MTUS2: variants seen among roughly 807,000 people sequenced by gnomAD.
The protein encoded by MTUS2 is microtubule associated scaffold protein 2.
MTUS2 carries 40 observed loss-of-function variants against 114.1 expected under a neutral mutation model. That is an observed-to-expected ratio of 0.35 (90% CI 0.27 to 0.46). The LOEUF is 0.46. MTUS2 is among the 20% of genes least tolerant of loss of function. The pLI is 1.00. For synonymous variants in MTUS2, 688 were observed against 672.0 expected (o/e 1.02, Z -0.37); for missense variants, 1,679 against 1,705.4 (o/e 0.98, Z 0.27).
intron 14 of MTUS2, among the ~76,000 whole-genome samples, chr13:29,499,421 T>G (rs566382094): frequency 6.6e-6 from 1 of 152,234 alleles, no homozygotes; most frequent in Non-Finnish European, 1.5e-5. Flanking sequence ...AGATTCTTAT[T>G]TTTTCCCTTT....
At chr13:29,402,085 A>T (rs997684836) in intron 8 of MTUS2, among the ~76,000 whole-genome samples, 1 of 152,082 alleles carries the variant, frequency 6.6e-6, no homozygotes, top group African/African-American at 2.4e-5. Flanking sequence ...TACTTTTTTC[A>T]TATTAGTTCT....
intron 12 of MTUS2, among the ~76,000 whole-genome samples, chr13:29,493,145 G>A (rs929613485): frequency 3.3e-5 from 5 of 152,172 alleles, no homozygotes; most frequent in African/African-American, 9.7e-5. Context: ...ACTTATAAAA[G>A]GGGCTGCAGT....
chr13:28,989,163 T>C (rs1193720620), intron 2 of MTUS2, among the ~76,000 whole-genome samples: 1 of 152,092 alleles, frequency 6.6e-6, no homozygotes, highest in Non-Finnish European at 1.5e-5. Flanking sequence ...TTTATAAAAT[T>C]TGTGAAGCTA....
chr13:28,856,760 A>T (rs1000362645), intron 2 of MTUS2, among the ~76,000 whole-genome samples: 1 of 152,150 alleles, frequency 6.6e-6, no homozygotes, highest in Admixed American at 6.5e-5. Context: ...ACTACTTTTC[A>T]TTGGCTGTAG....
intron 2 of MTUS2, among the ~76,000 whole-genome samples, chr13:28,897,748 T>G (rs1593280795): frequency 6.6e-6 from 1 of 152,114 alleles, no homozygotes; most frequent in Non-Finnish European, 1.5e-5. Flanking sequence ...TCATGTCCTT[T>G]GTAGGGACAT....
intron 2 of MTUS2, among the ~76,000 whole-genome samples, chr13:28,998,605 T>TC (rs1296526991): frequency 6.6e-6 from 1 of 152,238 alleles, no homozygotes; most frequent in African/African-American, 2.4e-5. Flanking sequence ...TATTCTTTTT[T>TC]CTCTAAACTT....
intron 4 of MTUS2, among the ~76,000 whole-genome samples, chr13:29,038,322 G>T (rs1289721243): frequency 6.6e-6 from 1 of 152,228 alleles, no homozygotes; most frequent in Non-Finnish European, 1.5e-5. Flanking sequence ...GCTGGAGTTT[G>T]CTGGAGGTCC....
intron 6 of MTUS2, among the ~76,000 whole-genome samples, chr13:29,305,321 A>T (rs957357733): frequency 2.7e-5 from 4 of 150,280 alleles, no homozygotes; most frequent in African/African-American, 9.8e-5. Flanking sequence ...ACATGAAAAA[A>T]CCTGTTAAAA....
At chr13:28,887,412 A>T (rs1253539046) in intron 2 of MTUS2, among the ~76,000 whole-genome samples, 1 of 152,194 alleles carries the variant, frequency 6.6e-6, no homozygotes, top group Non-Finnish European at 1.5e-5. Context: ...ATACTTAGTG[A>T]GAGTCTGCTC....
At chr13:29,029,762 G>A (rs1886729352) in intron 3 of MTUS2, among the ~76,000 whole-genome samples, 1 of 152,158 alleles carries the variant, frequency 6.6e-6, no homozygotes. Flanking sequence ...GGTGAGAGAT[G>A]AGCAAGAGGG....
intron 7 of MTUS2, among the ~76,000 whole-genome samples, chr13:29,343,428 T>C (rs112528575): frequency 0.035 from 5,329 of 152,226 alleles, 292 homozygotes; most frequent in African/African-American, 0.12. Context: ...CTAGGTTTTC[T>C]ACTATGTGCA....
At chr13:29,105,605 G>T (rs911324067) in intron 5 of MTUS2, among the ~76,000 whole-genome samples, 5 of 148,464 alleles carry the variant, frequency 3.4e-5, no homozygotes, top group African/African-American at 1.2e-4. Flanking sequence ...ATGGGGCAAA[G>T]AATTTAAAAA....
chr13:29,018,467 C>G (rs1886158018), intron 2 of MTUS2, among the ~76,000 whole-genome samples: 1 of 151,494 alleles, frequency 6.6e-6, no homozygotes, highest in African/African-American at 2.4e-5. Flanking sequence ...CATTTCACTT[C>G]ATGATTTAGA....
Position 29,500,792 on chromosome 13 carries a change from AACACACACAC to A in MTUS2, c.3799-271_3799-262del, listed in dbSNP as rs3066073. On this transcript the variant is annotated intron_variant, in intron 14 of 15. Transcript: ENST00000612955. ...TATAAGAAATACATTTTACATCAGA[AACACACACAC>A]ACACACACACACACACACACACACA... 2.5e-3 allele frequency among the ~76,000 whole-genome samples: 354 copies of A among 144,380 alleles called. 1 individual carries two copies. Among genetic ancestry groups the A allele is most frequent in the African/African-American group, 6.9e-3 (271 of 38,996 alleles). The allele number at this position is 144,380 out of a possible 152,430, so 94.7% of individuals were successfully genotyped here. A position where few individuals can be genotyped will look rare whatever the true frequency, so the allele number is the denominator to read the frequency against.
chr13:29,080,903 T>G (rs1043459903), intron 4 of MTUS2, among the ~76,000 whole-genome samples: 11 of 152,116 alleles, frequency 7.2e-5, no homozygotes, highest in Admixed American at 1.3e-4. Flanking sequence ...TTTTTGTATT[T>G]TTAGTAGAGA....
chr13:28,943,228 A>G (rs1196262885), intron 2 of MTUS2, among the ~76,000 whole-genome samples: 1 of 152,178 alleles, frequency 6.6e-6, no homozygotes, highest in Non-Finnish European at 1.5e-5. Context: ...AATATATGTA[A>G]TGTGCCCAGC....
chr13:29,191,718 C>A (rs947900814), intron 5 of MTUS2, among the ~76,000 whole-genome samples: 18 of 152,160 alleles, frequency 1.2e-4, no homozygotes, highest in African/African-American at 4.3e-4. Flanking sequence ...TGGCTCATGA[C>A]AGCCTTTGTA....
chr13:28,991,079 G>A (rs1216584652), intron 2 of MTUS2, among the ~76,000 whole-genome samples: 1 of 152,134 alleles, frequency 6.6e-6, no homozygotes, highest in Non-Finnish European at 1.5e-5. Context: ...GATCACATTC[G>A]CATATTTACA....
chr13:29,403,041 C>G (rs943013667), intron 8 of MTUS2, among the ~76,000 whole-genome samples: 4 of 152,192 alleles, frequency 2.6e-5, no homozygotes, highest in African/African-American at 9.6e-5. Flanking sequence ...AGCCCCAGTA[C>G]TTAAGACTGA....
Sources: allele counts gnomAD v4.1 joint callset (sites outside exome capture counted in the v4.1 genomes callset), GRCh38; gene constraint gnomAD v4.1.1; transcripts MANE v1.5; gene names NCBI Gene and HGNC (gene_info 2026-07-23, HGNC 2026-07-21).